Variants in KLRD1 observed in about 807,000 individuals in gnomAD.
The protein encoded by KLRD1 is natural killer cells antigen CD94.
In KLRD1, 21 loss-of-function variants were observed where a neutral mutation model predicts 22.6. That is an observed-to-expected ratio of 0.93 (90% CI 0.66 to 1.34). KLRD1 has a LOEUF of 1.34. KLRD1 is among the 40% of genes most tolerant of loss of function. The pLI, the probability that KLRD1 is intolerant of heterozygous loss-of-function variation, is 0.00. For missense variants in KLRD1, 183 were observed against 208.6 expected (o/e 0.88, Z 0.76); for synonymous variants, 59 against 71.1 (o/e 0.83, Z 0.85).
intron 1 of KLRD1, among the ~76,000 whole-genome samples, chr12:10,288,316 C>T (rs925844783): frequency 1.3e-5 from 2 of 151,464 alleles, no homozygotes; most frequent in Non-Finnish European, 2.9e-5. Context: ...CATATGTATA[C>T]ATTATGTAAA....
intron 1 of KLRD1, among the ~76,000 whole-genome samples, chr12:10,296,738 G>A (rs1476293906): frequency 1.3e-4 from 20 of 152,190 alleles, no homozygotes; most frequent in Non-Finnish European, 1.3e-4. Flanking sequence ...TAATTTTGGA[G>A]ATGTGGAGTT....
intron 1 of KLRD1, among the ~76,000 whole-genome samples, chr12:10,292,646 G>A (rs1021964436): frequency 3.3e-5 from 5 of 152,166 alleles, no homozygotes; most frequent in African/African-American, 1.2e-4. Flanking sequence ...GCTCTATATA[G>A]AGAGCACAGG....
chr12:10,246,693 A>G lies in KLRD1; in HGVS notation c.-101+20460A>G, dbSNP rs74240395. Among the ~76,000 whole-genome samples, 210 of 152,278 alleles carry G rather than the reference A, an allele frequency of 1.4e-3. 2 individuals are homozygous for G. The East Asian group carries it at 0.03, about 22-fold the overall frequency. ...TTGACCAAATGGAATATTGAAGAAC[A>G]TGTCATTTGTCAAATCATTCCTATA... is the stretch of plus-strand genomic sequence containing the variant. On this transcript the variant is annotated intron_variant, in intron 1 of 5. Transcript: ENST00000544747.
At chr12:10,308,589 A>G (rs1223649275) in intron 1 of KLRD1, 2 of 156,520 alleles carry the variant, frequency 1.3e-5, no homozygotes, top group African/African-American at 4.8e-5. Flanking sequence ...GCCTAAAAGC[A>G]AGTAATTTTG....
At chr12:10,273,147 CAAAT>C (rs1287670014) in intron 1 of KLRD1, among the ~76,000 whole-genome samples, 4 of 151,880 alleles carry the variant, frequency 2.6e-5, no homozygotes, top group African/African-American at 9.7e-5. Flanking sequence ...AAATAACTGT[CAAAT>C]TAAATAATGA....
intron 1 of KLRD1, among the ~76,000 whole-genome samples, chr12:10,243,909 T>A (rs146131211): frequency 6.6e-6 from 1 of 152,124 alleles, no homozygotes; most frequent in Non-Finnish European, 1.5e-5. Context: ...ATAAATAAAT[T>A]GCTGCAGGTA....
At chr12:10,248,501 G>A (rs1949313345) in intron 1 of KLRD1, among the ~76,000 whole-genome samples, 1 of 148,918 alleles carries the variant, frequency 6.7e-6, no homozygotes, top group Non-Finnish European at 1.5e-5. Context: ...TTTATTGTGT[G>A]AAATCAGTTT....
rs1434340380 is a variant in KLRD1 at position 10,318,213 on chromosome 12, T to C, written c.*3420T>C. ...AGATGCCTAGGTGTCTGTTTTTGAC[T>C]CTTGGCCATGATATGGGTAGTAGGC... On this transcript the variant is annotated 3_prime_UTR_variant, in exon 6 of 6. Coordinates refer to ENST00000336164, the MANE Select transcript of KLRD1 (RefSeq NM_002262.5). The C allele has an allele frequency of 6.6e-6, 1 of 152,194 alleles. No homozygotes were observed. The highest frequency in any genetic ancestry group is 6.5e-5 in the Admixed American group (1 of 15,274). 9.4% of individuals were successfully genotyped at this position (152,194 alleles called of 1,614,324 possible).
At chr12:10,299,199 ATGTTT>A (rs768560203) in intron 1 of KLRD1, among the ~76,000 whole-genome samples, 1 of 149,342 alleles carries the variant, frequency 6.7e-6, no homozygotes, top group Non-Finnish European at 1.5e-5. Context: ...TTTTTTAATT[ATGTTT>A]TGTTTTGTTT....
At position 10,324,779 on chromosome 12, in the gene KLRD1, A is replaced by G. The variant is rs1950343446; in HGVS notation, c.*9986A>G. On this transcript the variant is annotated 3_prime_UTR_variant, in exon 6 of 6. Coordinates refer to ENST00000336164, the MANE Select transcript of KLRD1 (RefSeq NM_002262.5). ...TTTATTTTCTAATTTCAAATGTTTT[A>G]TTTTAAAATTGTAAGTATATATGTA... The G allele has an allele frequency of 1.7e-5, 2 of 119,832 alleles. No homozygotes were observed. The highest frequency in any genetic ancestry group is 2.9e-4 in the South Asian group (1 of 3,472). 7.4% of individuals were successfully genotyped at this position (119,832 alleles called of 1,614,324 possible).
intron 1 of KLRD1, among the ~76,000 whole-genome samples, chr12:10,257,719 T>C (rs1331729678): frequency 5.3e-5 from 8 of 152,064 alleles, no homozygotes; most frequent in Non-Finnish European, 1.2e-4. Context: ...ATATTTGTGC[T>C]CCCTCATGAA....
At position 10,314,712 on chromosome 12, in the gene KLRD1, A is replaced by C. The variant is rs1950182253; in HGVS notation, c.459A>C (p.Ile153=). The C allele has an allele frequency of 6.3e-7, 1 of 1,595,208 alleles. No homozygotes were observed. Among genetic ancestry groups the C allele is most frequent in the Non-Finnish European group, 8.5e-7 (1 of 1,170,478 alleles). The part of the protein sequence containing the change: ...SFETFNTKNC[I]AYNPNGNALD... ...AAACTTTTAATACAAAGAACTGCAT[A>C]GCGTATAATCCAAATGGAAATGCTT... is the stretch of plus-strand genomic sequence containing the variant. The change falls in exon 6 of 6, where the codon ATA becomes ATC. Residue 153 remains isoleucine (I), a synonymous_variant. Transcript: ENST00000336164.
intron 5 of KLRD1, among the ~76,000 whole-genome samples, chr12:10,314,128 G>C (rs966941154): frequency 3.3e-5 from 5 of 152,078 alleles, no homozygotes; most frequent in African/African-American, 1.2e-4. Flanking sequence ...CCAGCACTTG[G>C]AAGTATATGT....
rs1361303095 is a variant in KLRD1 at position 10,327,608 on chromosome 12, G to C, written c.*12815G>C. ...CTTTTTTGTGGATTCTTTAGAGCAT[G>C]CCATAGGCAAACAGGGACCATTGTA... On this transcript the variant is annotated 3_prime_UTR_variant, in exon 6 of 6. Coordinates refer to ENST00000336164, the MANE Select transcript of KLRD1 (RefSeq NM_002262.5). The C allele has an allele frequency of 6.6e-6, 1 of 152,170 alleles. No individual in the cohort carries two copies. The highest frequency in any genetic ancestry group is 2.4e-5 in the African/African-American group (1 of 41,454). The allele number at this position is 152,170 out of a possible 1,614,324, so 9.4% of individuals were successfully genotyped here.
chr12:10,299,107 T>G (rs183714348), intron 1 of KLRD1, among the ~76,000 whole-genome samples: 105 of 152,310 alleles, frequency 6.9e-4, no homozygotes, highest in African/African-American at 2.5e-3. Context: ...AGAATCAATC[T>G]AGGATTTACT....
intron 1 of KLRD1, among the ~76,000 whole-genome samples, chr12:10,293,688 A>G (rs1445746999): frequency 6.6e-6 from 1 of 152,174 alleles, no homozygotes; most frequent in Non-Finnish European, 1.5e-5. Context: ...AAGTGAGCAC[A>G]TGCTTTAAAA....
upstream of KLRD1, among the ~76,000 whole-genome samples, chr12:10,302,151 G>A (rs561970456): frequency 2.0e-5 from 3 of 152,274 alleles, no homozygotes; most frequent in Non-Finnish European, 4.4e-5. Context: ...ATGTGACGGA[G>A]AGACATGAAT....
At chr12:10,270,334 A>G (rs1243073910) in intron 1 of KLRD1, among the ~76,000 whole-genome samples, 1 of 152,222 alleles carries the variant, frequency 6.6e-6, no homozygotes, top group Admixed American at 6.5e-5. Flanking sequence ...TAAAAAATTA[A>G]TGAAGTTGCT....
At position 10,321,496 on chromosome 12, in the gene KLRD1, T is replaced by C. The variant is rs1396828385; in HGVS notation, c.*6703T>C. 2.0e-5 allele frequency: 3 copies of C among 152,218 alleles called. No individual in the cohort carries two copies. The highest frequency in any genetic ancestry group is 4.4e-5 in the Non-Finnish European group (3 of 68,040). 9.4% of individuals were successfully genotyped at this position (152,218 alleles called of 1,614,324 possible). A position where few individuals can be genotyped will look rare whatever the true frequency, so the allele number is the denominator to read the frequency against. ...TTAGACTCTTGTAAACAGCTTCCTA[T>C]ATGCTCCCAATGATCCCTGTTTCTT... On this transcript the variant is annotated 3_prime_UTR_variant, in exon 6 of 6. Transcript: ENST00000336164.
Sources: gnomAD v4.1 joint callset for allele counts (sites outside exome capture counted in the v4.1 genomes callset) on GRCh38, gnomAD v4.1.1 for gene constraint, MANE v1.5 for transcripts, NCBI Gene and HGNC (gene_info 2026-07-23, HGNC 2026-07-21) for gene names.